Variants in FHIT observed in about 807,000 individuals in gnomAD.
The protein encoded by FHIT is bis(5'-adenosyl)-triphosphatase.
Under a neutral mutation model 17.9 loss-of-function variants are expected in FHIT, and 19 were observed. The observed-to-expected ratio is 1.06, with a 90% CI of 0.74 to 1.56. FHIT has a LOEUF of 1.56. Ranked by LOEUF, FHIT falls within the 40% of genes most tolerant of loss-of-function variation. The pLI is 0.00. For synonymous variants in FHIT, 81 were observed against 69.7 expected, an observed-to-expected ratio of 1.16 and a Z score of -0.81; for missense variants, 248 against 189.2, an observed-to-expected ratio of 1.31 and a Z score of -1.82.
rs369303720 is a variant in FHIT, at chr3:61,184,831, C to T, written c.-164+15786G>A. ...ACCTCAGAATCCACTCTAATGAACACGCTGTGTTTAAACAAGGGATCTCAC... is the reference window on the plus strand; with the variant it reads ...ACCTCAGAATCCACTCTAATGAACATGCTGTGTTTAAACAAGGGATCTCAC... On this transcript the variant is annotated intron_variant, in intron 2 of 9. Transcript: ENST00000492590. 3.9e-5 allele frequency among the ~76,000 whole-genome samples: 6 copies of T among 152,244 alleles called. No homozygotes were observed. In the East Asian group the frequency reaches 7.8e-4, roughly 20 times the overall value.
At chr3:60,176,834 C>A (rs1301719506) in intron 5 of FHIT, among the ~76,000 whole-genome samples, 1 of 151,782 alleles carries the variant, frequency 6.6e-6, no homozygotes, top group Non-Finnish European at 1.5e-5. Context: ...CTTTGGCTAT[C>A]GAGCCATAAA....
intron 3 of FHIT, among the ~76,000 whole-genome samples, chr3:60,962,228 T>A (rs1709490439): frequency 6.6e-6 from 1 of 152,174 alleles, no homozygotes; most frequent in South Asian, 2.1e-4. Flanking sequence ...TGGCTCTCTG[T>A]TTGTCTGTTA....
chr3:59,881,921 CT>C (rs558981111), intron 8 of FHIT, among the ~76,000 whole-genome samples: 60 of 152,218 alleles, frequency 3.9e-4, no homozygotes, highest in Non-Finnish European at 7.6e-4. Flanking sequence ...ATGAGGCAAG[CT>C]TTCTGTTACT....
chr3:60,923,043 A>T (rs897453222), intron 3 of FHIT, among the ~76,000 whole-genome samples: 2 of 152,250 alleles, frequency 1.3e-5, no homozygotes, highest in Non-Finnish European at 2.9e-5. Flanking sequence ...GCTCAGCTCA[A>T]CTAGTGTGGT....
At chr3:59,806,276 TAG>T (rs1454038629) in intron 8 of FHIT, among the ~76,000 whole-genome samples, 2 of 152,008 alleles carry the variant, frequency 1.3e-5, no homozygotes, top group East Asian at 3.9e-4. Flanking sequence ...GGGTAAATGG[TAG>T]AGTTAATTTT....
intron 2 of FHIT, among the ~76,000 whole-genome samples, chr3:61,090,561 T>C (rs2035449565): frequency 6.6e-6 from 1 of 152,160 alleles, no homozygotes; most frequent in East Asian, 1.9e-4. Context: ...ATGGGCCAAA[T>C]TCCAAATGCC....
chr3:60,783,251 CA>C (rs1312096295), intron 4 of FHIT, among the ~76,000 whole-genome samples: 3 of 152,080 alleles, frequency 2.0e-5, no homozygotes, highest in Non-Finnish European at 4.4e-5. Context: ...GTGACACATA[CA>C]TTCAAACCAT....
At chr3:59,765,245 G>A (rs1365185624) in intron 8 of FHIT, among the ~76,000 whole-genome samples, 3 of 152,290 alleles carry the variant, frequency 2.0e-5, no homozygotes, top group Non-Finnish European at 4.4e-5. Flanking sequence ...AAAGGACAAC[G>A]ATAAAAATGC....
chr3:60,673,810 A>G (rs140039703), intron 4 of FHIT, among the ~76,000 whole-genome samples: 2 of 151,404 alleles, frequency 1.3e-5, no homozygotes, highest in Non-Finnish European at 2.9e-5. Flanking sequence ...ATGTCTCTCC[A>G]CTCCTCCCAT....
Position 60,597,940 on chromosome 3 carries a change from G to A in FHIT, c.-17-60961C>T, listed in dbSNP as rs534883323. Among the ~76,000 whole-genome samples the A allele has an allele frequency of 1.1e-4, 16 of 152,234 alleles. No homozygotes were observed. The East Asian group carries it at 2.7e-3, about 26-fold the overall frequency. On this transcript the variant is annotated intron_variant, in intron 4 of 9. Coordinates refer to ENST00000492590, the MANE Select transcript of FHIT (RefSeq NM_002012.4). ...AGATACAAAGAAATAAGCAACATCA[G>A]AGAGATACCAAATAAAAGAATGTTG...
intron 5 of FHIT, among the ~76,000 whole-genome samples, chr3:60,301,438 A>G (rs1708456031): frequency 6.6e-6 from 1 of 152,160 alleles, no homozygotes; most frequent in Non-Finnish European, 1.5e-5. Context: ...AAACTTCTTT[A>G]TCACAAACTC....
chr3:60,599,757 A>G lies in FHIT; in HGVS notation c.-17-62778T>C, dbSNP rs138080689. 7.9e-5 allele frequency among the ~76,000 whole-genome samples: 12 copies of G among 152,112 alleles called. No homozygotes were observed. In the East Asian group the frequency reaches 2.1e-3, roughly 27 times the overall value. On this transcript the variant is annotated intron_variant, in intron 4 of 9. Transcript: ENST00000492590. ...AGCACATACACACTGTCCCACATCA[A>G]TGAGAATGCTCACCTACTGCCTGAG...
rs139668110 is a variant in FHIT at position 59,962,171 on chromosome 3, C to T, written c.280-39757G>A. 3.6e-3 allele frequency among the ~76,000 whole-genome samples: 547 copies of T among 152,270 alleles called. 2 individuals are homozygous for T. The highest frequency in any genetic ancestry group is 0.012 in the African/African-American group (478 of 41,540). On this transcript the variant is annotated intron_variant, in intron 7 of 9. Coordinates refer to ENST00000492590, the MANE Select transcript of FHIT (RefSeq NM_002012.4). The stretch of plus-strand genomic sequence containing the variant: ...ATAACAAAAGGAACTATGTCTTTAA[C>T]GTATTTTTCTTGAAAGCCAGTTCAT...
chr3:60,929,580 A>C (rs560389860), intron 3 of FHIT, among the ~76,000 whole-genome samples: 171 of 151,390 alleles, frequency 1.1e-3, no homozygotes, highest in African/African-American at 3.9e-3. Context: ...AGACAAACAG[A>C]GCGCCAAATC....
intron 5 of FHIT, among the ~76,000 whole-genome samples, chr3:60,244,469 A>G (rs1705290844): frequency 6.6e-6 from 1 of 152,142 alleles, no homozygotes; most frequent in Admixed American, 6.6e-5. Flanking sequence ...AATATAACTC[A>G]GAATAATGTA....
chr3:60,123,470 A>G (rs1394317946), intron 5 of FHIT, among the ~76,000 whole-genome samples: 1 of 152,166 alleles, frequency 6.6e-6, no homozygotes, highest in Non-Finnish European at 1.5e-5. Flanking sequence ...ATAAATACAA[A>G]CTTAGGGAGA....
chr3:60,275,089 A>G (rs1056043357), intron 5 of FHIT, among the ~76,000 whole-genome samples: 10 of 152,082 alleles, frequency 6.6e-5, no homozygotes, highest in Non-Finnish European at 1.3e-4. Context: ...TATTTTAAGG[A>G]TTCAAGTTCA....
At chr3:60,983,862 T>A (rs1164401997) in intron 3 of FHIT, among the ~76,000 whole-genome samples, 4 of 152,178 alleles carry the variant, frequency 2.6e-5, no homozygotes, top group Non-Finnish European at 5.9e-5. Flanking sequence ...AAAACACTTC[T>A]TCATACAGAG....
Position 60,732,385 on chromosome 3 carries a change from C to T in FHIT, c.-18+89534G>A. 3.8e-6 allele frequency: 3 copies of T among 792,974 alleles called. No individual in the cohort carries two copies. In the South Asian group the frequency reaches 4.0e-5, roughly 11 times the overall value. 49.1% of individuals were successfully genotyped at this position (792,974 alleles called of 1,614,324 possible). On this transcript the variant is annotated intron_variant, in intron 4 of 9. Coordinates refer to ENST00000492590, the MANE Select transcript of FHIT (RefSeq NM_002012.4). The stretch of plus-strand genomic sequence containing the variant: ...CTATGCTTCAGGATGAAGTTCTCCT[C>T]ATCAAATTTCTACCTGTAGATGGAC...
Sources: allele counts gnomAD v4.1 joint callset (sites outside exome capture counted in the v4.1 genomes callset), GRCh38; gene constraint gnomAD v4.1.1; transcripts MANE v1.5; gene names NCBI Gene and HGNC (gene_info 2026-07-23, HGNC 2026-07-21).